PCDH15: variants seen among roughly 807,000 people sequenced by gnomAD.
PCDH15 encodes protocadherin-15.
Under a neutral mutation model 178.5 loss-of-function variants are expected in PCDH15, and 129 were observed. The ratio of observed to expected loss-of-function variants is 0.72; its 90% CI spans 0.63 to 0.84. The LOEUF (loss-of-function observed/expected upper bound fraction) is 0.84, where lower values mean the gene tolerates loss of function less well. Ranked by LOEUF, PCDH15 falls within the 40% of genes least tolerant of loss-of-function variation. The pLI, the probability that PCDH15 is intolerant of heterozygous loss-of-function variation, is 0.00. For missense variants in PCDH15, 2,230 were observed against 2,099.9 expected, an observed-to-expected ratio of 1.06 and a Z score of -1.21; for synonymous variants, 800 against 732.0, an observed-to-expected ratio of 1.09 and a Z score of -1.50.
At chr10:54,582,864 C>T (rs2091159493) in intron 2 of PCDH15, among the ~76,000 whole-genome samples, 1 of 151,814 alleles carries the variant, frequency 6.6e-6, no homozygotes. Flanking sequence ...GCACTCTAGG[C>T]AATAGAGCAA....
At chr10:54,911,471 A>G (rs1797764362) in intron 2 of PCDH15, among the ~76,000 whole-genome samples, 2 of 152,230 alleles carry the variant, frequency 1.3e-5, no homozygotes, top group Admixed American at 6.5e-5. Flanking sequence ...AATAATCTAT[A>G]TGATGGGTAT....
chr10:54,316,546 A>G (rs750327167), intron 8 of PCDH15, among the ~76,000 whole-genome samples: 1,912 of 98,548 alleles, frequency 0.019, 25 homozygotes, highest in African/African-American at 0.05. Context: ...ACACACACAC[A>G]CACACACACA....
chr10:55,623,957 C>T (rs1448758010), intron 2 of PCDH15, among the ~76,000 whole-genome samples: 3 of 152,060 alleles, frequency 2.0e-5, no homozygotes, highest in South Asian at 2.1e-4. Context: ...CTCTCTCACC[C>T]TATGGGGAAA....
chr10:54,547,930 T>C (rs2086044147), intron 2 of PCDH15, among the ~76,000 whole-genome samples: 1 of 151,866 alleles, frequency 6.6e-6, no homozygotes, highest in African/African-American at 2.4e-5. Context: ...TCTCCCCATC[T>C]TCTATAAGAT....
At chr10:55,007,920 A>C (rs1039524270) in intron 2 of PCDH15, among the ~76,000 whole-genome samples, 1 of 152,184 alleles carries the variant, frequency 6.6e-6, no homozygotes, top group Non-Finnish European at 1.5e-5. Context: ...ATGAAATTGG[A>C]TCCTGCTTCA....
chr10:55,254,694 C>G (rs1841941569), intron 1 of PCDH15, among the ~76,000 whole-genome samples: 1 of 152,006 alleles, frequency 6.6e-6, no homozygotes, highest in Admixed American at 6.6e-5. Flanking sequence ...ATTGTAATTC[C>G]CTAATATCTG....
rs145525862 is a variant in PCDH15 at position 53,885,805 on chromosome 10, T to C, written c.3501+17438A>G. Among the ~76,000 whole-genome samples, 7 of 152,250 alleles carry C rather than the reference T, an allele frequency of 4.6e-5. No individual in the cohort carries two copies. The East Asian group carries it at 1.2e-3, about 25-fold the overall frequency. On this transcript the variant is annotated intron_variant, in intron 26 of 37. Coordinates refer to ENST00000644397, the MANE Select transcript of PCDH15 (RefSeq NM_001384140.1). ...CAGTGGAATAATATTTTCATGTAAA[T>C]AATACACTAAGGTGTATCTCAAAGA...
intron 2 of PCDH15, among the ~76,000 whole-genome samples, chr10:55,084,636 C>T (rs186898386): frequency 1.3e-5 from 2 of 151,932 alleles, no homozygotes; most frequent in Admixed American, 1.3e-4. Flanking sequence ...AATGAAGAGA[C>T]AACCCACAAA....
rs992661474 is a variant in PCDH15, at chr10:53,803,522, G to T, written c.*3057C>A. Reference sequence around the variant, plus strand: ...AACAATGTGGTAAAATAACATGAATGACATATCACATATAAAATTCAAGGC... The same window carrying T: ...AACAATGTGGTAAAATAACATGAATTACATATCACATATAAAATTCAAGGC... On this transcript the variant is annotated 3_prime_UTR_variant, in exon 38 of 38. Transcript: ENST00000644397. 6.6e-6 allele frequency: 1 copy of T among 151,870 alleles called. No individual in the cohort carries two copies. Among genetic ancestry groups the T allele is most frequent in the Non-Finnish European group, 1.5e-5 (1 of 67,880 alleles). 9.4% of individuals were successfully genotyped at this position (151,870 alleles called of 1,614,324 possible).
At chr10:54,542,629 A>C (rs1210390723) in intron 2 of PCDH15, among the ~76,000 whole-genome samples, 1 of 152,234 alleles carries the variant, frequency 6.6e-6, no homozygotes, top group Non-Finnish European at 1.5e-5. Context: ...TTAGAGCCAT[A>C]GAGCCAAAGT....
chr10:54,119,367 T>C (rs929534675), intron 15 of PCDH15, among the ~76,000 whole-genome samples: 1 of 152,124 alleles, frequency 6.6e-6, no homozygotes, highest in Non-Finnish European at 1.5e-5. Flanking sequence ...GCTTTATTAA[T>C]AGACTGGATC....
At chr10:53,978,657 GTT>G (rs3066397) in intron 21 of PCDH15, among the ~76,000 whole-genome samples, 34,153 of 142,694 alleles carry the variant, frequency 0.24, 4,159 homozygotes, top group East Asian at 0.49. Context: ...TCCAGAAAAT[GTT>G]TTTTTTTTTT....
At chr10:54,023,734 A>T (rs553982960) in intron 18 of PCDH15, among the ~76,000 whole-genome samples, 13 of 151,394 alleles carry the variant, frequency 8.6e-5, no homozygotes, top group African/African-American at 3.1e-4. Context: ...TACCATAAAT[A>T]ATATTTATAA....
At chr10:54,109,944 CT>C (rs2094985762) in intron 15 of PCDH15, among the ~76,000 whole-genome samples, 1 of 152,044 alleles carries the variant, frequency 6.6e-6, no homozygotes, top group Non-Finnish European at 1.5e-5. Context: ...ATCAAAATAT[CT>C]CAATATCACC....
intron 10 of PCDH15, among the ~76,000 whole-genome samples, chr10:54,200,269 CTT>C (rs11377394): frequency 4.7e-5 from 5 of 106,096 alleles, no homozygotes; most frequent in African/African-American, 7.3e-5. Context: ...ACAGAGCCCA[CTT>C]TTTTTTTTTT....
chr10:55,619,599 AT>A (rs1843547291), intron 2 of PCDH15, among the ~76,000 whole-genome samples: 3 of 152,052 alleles, frequency 2.0e-5, no homozygotes, highest in Admixed American at 1.3e-4. Context: ...AGTTACGAGA[AT>A]CAAATTAGTT....
chr10:54,023,170 C>T lies in PCDH15; in HGVS notation c.2248G>A (p.Gly750Ser). 1 of 1,613,548 alleles carries T rather than the reference C, an allele frequency of 6.2e-7. No individual in the cohort carries two copies. Among genetic ancestry groups the T allele is most frequent in the Non-Finnish European group, 8.5e-7 (1 of 1,179,838 alleles). The stretch of plus-strand genomic sequence containing the variant: ...TTACCCAAACTGTAGTGCACTTGAC[C>T]ATTTATTCCAGCATCAGGGTCTGTT... ...KATDPDAGIN[G>S]QVHYSLGNFN... Residue 750 changes from glycine (G) to serine (S), a missense_variant, in exon 19 of 38, where the codon GGT (glycine) becomes AGT (serine). By Grantham distance (56) the Gly-to-Ser change is moderately conservative. Coordinates refer to ENST00000644397, the MANE Select transcript of PCDH15 (RefSeq NM_001384140.1).
At chr10:54,298,803 T>C (rs558884077) in intron 8 of PCDH15, among the ~76,000 whole-genome samples, 51 of 152,356 alleles carry the variant, frequency 3.3e-4, no homozygotes, top group African/African-American at 8.9e-4. Flanking sequence ...CTGTCCCAGA[T>C]GACTGTCCTC....
At chr10:55,567,332 G>T (rs556140432) in intron 2 of PCDH15, among the ~76,000 whole-genome samples, 2 of 150,814 alleles carry the variant, frequency 1.3e-5, no homozygotes, top group Admixed American at 6.6e-5. Flanking sequence ...ACTCTTACAA[G>T]AAAGATAAGT....
Sources: allele counts gnomAD v4.1 joint callset (sites outside exome capture counted in the v4.1 genomes callset), GRCh38; gene constraint gnomAD v4.1.1; transcripts MANE v1.5; gene names NCBI Gene and HGNC (gene_info 2026-07-23, HGNC 2026-07-21).